Variants in TMC7 observed in about 807,000 individuals in gnomAD.
The protein encoded by TMC7 is transmembrane channel like 7.
A neutral mutation model predicts 82.9 loss-of-function variants in TMC7; 54 were observed. The ratio of observed to expected loss-of-function variants is 0.65; its 90% CI spans 0.52 to 0.82. The LOEUF (loss-of-function observed/expected upper bound fraction) is 0.82, where lower values mean the gene tolerates loss of function less well. TMC7 is among the 40% of genes least tolerant of loss of function. The pLI, the probability that TMC7 is intolerant of heterozygous loss-of-function variation, is 0.00. For missense variants in TMC7, 820 were observed against 901.2 expected, an observed-to-expected ratio of 0.91 and a Z score of 1.15; for synonymous variants, 350 against 337.9, an observed-to-expected ratio of 1.04 and a Z score of -0.39.
At chr16:19,012,101 GT>G (rs1959387564) in intron 2 of TMC7, 1 of 146,384 alleles carries the variant, frequency 6.8e-6, no homozygotes, top group Non-Finnish European at 1.5e-5. Flanking sequence ...CTGCACTTCA[GT>G]CTGGGTGAAA....
rs552529857 is a variant in TMC7 at position 19,024,197 on chromosome 16, G to A, written c.711+1002G>A. Among the ~76,000 whole-genome samples the A allele has an allele frequency of 8.1e-4, 123 of 152,272 alleles. 6 individuals are homozygous for A. In the South Asian group the frequency reaches 0.025, roughly 31 times the overall value. On this transcript the variant is annotated intron_variant, in intron 5 of 15. Transcript: ENST00000304381. ...TGTAACCCCAACACTTTGAGAGGCC[G>A]AGGCAGGAGGATTGCTTGAGGCCAG... is the stretch of plus-strand genomic sequence containing the variant.
chr16:19,029,128 C>A (rs1960379016), intron 5 of TMC7, among the ~76,000 whole-genome samples: 1 of 151,638 alleles, frequency 6.6e-6, no homozygotes, highest in African/African-American at 2.4e-5. Context: ...GCTTCAGCCT[C>A]CCGAGTAGCT....
rs1962031357 is a variant in TMC7 at position 19,062,016 on chromosome 16, G to A, written c.*173G>A. 2 of 446,774 alleles carry A rather than the reference G, an allele frequency of 4.5e-6. No individual in the cohort carries two copies. The highest frequency in any genetic ancestry group is 7.8e-6 in the Non-Finnish European group (2 of 256,104). 27.7% of individuals were successfully genotyped at this position (446,774 alleles called of 1,614,324 possible). A position where few individuals can be genotyped will look rare whatever the true frequency, so the allele number is the denominator to read the frequency against. Reference sequence around the variant, plus strand: ...TTACCTAACCCAGCCCTTAATTAGGGCTTCAGTGACTTAGAAAAGCAGGGG... The same window carrying A: ...TTACCTAACCCAGCCCTTAATTAGGACTTCAGTGACTTAGAAAAGCAGGGG... On this transcript the variant is annotated 3_prime_UTR_variant, in exon 16 of 16. Transcript: ENST00000304381.
chr16:19,018,379 C>T (rs755529132), intron 3 of TMC7, among the ~76,000 whole-genome samples: 2 of 152,134 alleles, frequency 1.3e-5, no homozygotes, highest in Non-Finnish European at 2.9e-5. Context: ...TTTGGAGGCT[C>T]GAACAGGCCT....
At chr16:18,996,112 G>T (rs1045124219) in intron 1 of TMC7, among the ~76,000 whole-genome samples, 20 of 152,126 alleles carry the variant, frequency 1.3e-4, no homozygotes, top group Non-Finnish European at 2.9e-4. Context: ...AGCCAGACTG[G>T]GTGTGAGGAG....
intron 1 of TMC7, among the ~76,000 whole-genome samples, chr16:18,985,215 C>T (rs961791505): frequency 3.3e-5 from 5 of 150,782 alleles, no homozygotes; most frequent in African/African-American, 4.9e-5. Context: ...GCCGAGATTG[C>T]GCCACTGCAC....
chr16:18,991,709 G>A (rs1025847447), intron 1 of TMC7, among the ~76,000 whole-genome samples: 4 of 152,064 alleles, frequency 2.6e-5, no homozygotes, highest in African/African-American at 9.7e-5. Flanking sequence ...TACATTAGGT[G>A]TATCTCCTAA....
chr16:18,997,528 C>G (rs2039064428), intron 1 of TMC7, among the ~76,000 whole-genome samples: 1 of 152,066 alleles, frequency 6.6e-6, no homozygotes, highest in East Asian at 1.9e-4. Flanking sequence ...CACCACCACA[C>G]CCAGCTAATT....
At chr16:19,055,337 A>G (rs147987039) in intron 13 of TMC7, among the ~76,000 whole-genome samples, 102 of 152,210 alleles carry the variant, frequency 6.7e-4, no homozygotes, top group African/African-American at 2.4e-3. Flanking sequence ...AATTTCTCCA[A>G]TTGTCCCCTA....
At chr16:19,048,156 T>G (rs1961373036) in intron 12 of TMC7, among the ~76,000 whole-genome samples, 1 of 151,258 alleles carries the variant, frequency 6.6e-6, no homozygotes, top group Non-Finnish European at 1.5e-5. Flanking sequence ...TTTTTTTAAA[T>G]TAGAGATGGA....
chr16:18,986,209 C>T (rs916718593), intron 1 of TMC7, among the ~76,000 whole-genome samples: 11 of 152,020 alleles, frequency 7.2e-5, no homozygotes, highest in East Asian at 1.9e-4. Flanking sequence ...TCCTGGCTAA[C>T]GTGGTGAAAT....
chr16:19,039,422 T>G (rs1960909606), intron 8 of TMC7, among the ~76,000 whole-genome samples: 1 of 151,946 alleles, frequency 6.6e-6, no homozygotes, highest in Non-Finnish European at 1.5e-5. Flanking sequence ...ACAAGATAGC[T>G]CACCACCATG....
intron 1 of TMC7, among the ~76,000 whole-genome samples, chr16:18,996,941 C>T (rs1167815083): frequency 2.6e-5 from 4 of 152,078 alleles, no homozygotes; most frequent in East Asian, 1.9e-4. Flanking sequence ...TTTGGGTCCA[C>T]GAATAAAATG....
rs1460279901 is a variant in TMC7, at chr16:19,023,118, C to A, written c.634C>A (p.Gln212Lys). 1.2e-5 allele frequency: 20 copies of A among 1,600,078 alleles called. No individual in the cohort carries two copies. Among genetic ancestry groups the A allele is most frequent in the Non-Finnish European group, 1.7e-5 (20 of 1,170,408 alleles). The stretch of plus-strand genomic sequence containing the variant: ...CTGGTTTTTGTTTCTTACAGATAAA[C>A]AATGTACAGTCTATCCAGTAAGCAG... The part of the protein sequence containing the change: ...VLIPFKDMDK[Q>K]CTVYPVSSSG... The change falls in exon 5 of 16, where the codon CAA becomes AAA. Residue 212 changes from glutamine to lysine, a missense_variant. Coordinates refer to ENST00000304381, the MANE Select transcript of TMC7 (RefSeq NM_024847.4).
At chr16:18,984,670 G>A (rs1422196806) in intron 1 of TMC7, 11 of 259,178 alleles carry the variant, frequency 4.2e-5, no homozygotes, top group Non-Finnish European at 6.6e-5. Flanking sequence ...ATCGTGTGAT[G>A]TGTCTAGCAC....
At chr16:19,035,223 T>C (rs762698118) in intron 6 of TMC7, among the ~76,000 whole-genome samples, 1 of 152,090 alleles carries the variant, frequency 6.6e-6, no homozygotes, top group Non-Finnish European at 1.5e-5. Context: ...GAGTTAAACA[T>C]TGGGTACTCA....
rs546074960 is a variant in TMC7, at chr16:18,998,537, G to A, written c.68-10635G>A. Among the ~76,000 whole-genome samples, 13 of 152,056 alleles carry A rather than the reference G, an allele frequency of 8.5e-5. No homozygotes were observed. The East Asian group carries it at 1.9e-3, about 23-fold the overall frequency. On this transcript the variant is annotated intron_variant, in intron 1 of 15. Coordinates refer to ENST00000304381, the MANE Select transcript of TMC7 (RefSeq NM_024847.4). ...TGGGAGGCTGAGGCGGGTGGATCAC[G>A]AGGTCAGGAGATCGAGACCATCCTG... is the stretch of plus-strand genomic sequence containing the variant.
rs1323789966 is a variant in TMC7 at position 18,986,033 on chromosome 16, T to TA, written c.67+1913dup. The stretch of plus-strand genomic sequence containing the variant: ...GGGTGACAGAACTAGACCCTGTCTC[T>TA]AAAAAAAAAAGAAGAGGTATGTATC... On this transcript the variant is annotated intron_variant, in intron 1 of 15. Transcript: ENST00000304381. Among the ~76,000 whole-genome samples the TA allele has an allele frequency of 5.7e-4, 76 of 134,258 alleles. No individual in the cohort carries two copies. The East Asian group carries it at 9.8e-3, about 17-fold the overall frequency. The allele number at this position is 134,258 out of a possible 152,430, so 88.1% of individuals were successfully genotyped here.
Position 19,030,370 on chromosome 16 carries a change from G to T in TMC7, c.857+1G>T. On this transcript the variant is annotated splice_donor_variant, in intron 6 of 15. Coordinates refer to ENST00000304381, the MANE Select transcript of TMC7 (RefSeq NM_024847.4). LOFTEE classifies it high-confidence loss of function. ...TGAGCCTTCTTTGGATAGTGAAAAGGTAAAGTCTGCCTTTGCATTCTCTCT... is the reference window on the plus strand; with the variant it reads ...TGAGCCTTCTTTGGATAGTGAAAAGTTAAAGTCTGCCTTTGCATTCTCTCT... 2 of 1,607,848 alleles carry T rather than the reference G, an allele frequency of 1.2e-6. No homozygotes were observed. The highest frequency in any genetic ancestry group is 1.7e-6 in the Non-Finnish European group (2 of 1,177,716).
Sources: gnomAD v4.1 joint callset for allele counts (sites outside exome capture counted in the v4.1 genomes callset) on GRCh38, gnomAD v4.1.1 for gene constraint, MANE v1.5 for transcripts, NCBI Gene and HGNC (gene_info 2026-07-23, HGNC 2026-07-21) for gene names.